FTO: variants seen among roughly 807,000 people sequenced by gnomAD.
FTO encodes the protein FTO alpha-ketoglutarate dependent dioxygenase.
A neutral mutation model predicts 63.9 loss-of-function variants in FTO; 47 were observed. That is an observed-to-expected ratio of 0.74 (90% CI 0.58 to 0.94). FTO has a LOEUF of 0.94. Among genes scored for constraint, FTO ranks in the 40% least tolerant of loss-of-function variants. The pLI is 0.00. For missense variants in FTO, 562 were observed against 618.1 expected (o/e 0.91, Z 0.96); for synonymous variants, 207 against 224.4 (o/e 0.92, Z 0.69).
rs148886643 is a variant in FTO, at chr16:53,869,321, A to G, written c.896-4465A>G. ...CTGTTTTTTCCTTCTGGCTTTTTCAATATTCTTTATCTTTGACTTTCTGCA... is the reference window on the plus strand; with the variant it reads ...CTGTTTTTTCCTTCTGGCTTTTTCAGTATTCTTTATCTTTGACTTTCTGCA... On this transcript the variant is annotated intron_variant, in intron 4 of 8. Transcript: ENST00000471389. Among the ~76,000 whole-genome samples, 275 of 151,982 alleles carry G rather than the reference A, an allele frequency of 1.8e-3. 2 individuals carry two copies. Among genetic ancestry groups the G allele is most frequent in the African/African-American group, 6.2e-3 (259 of 41,458 alleles).
chr16:54,036,089 T>C (rs2084934729), intron 8 of FTO, among the ~76,000 whole-genome samples: 1 of 152,152 alleles, frequency 6.6e-6, no homozygotes, highest in African/African-American at 2.4e-5. Context: ...ATATCTCTGG[T>C]ATATCGTTAA....
At chr16:53,707,644 G>A (rs1417533522) in intron 1 of FTO, among the ~76,000 whole-genome samples, 2 of 152,138 alleles carry the variant, frequency 1.3e-5, no homozygotes, top group Non-Finnish European at 2.9e-5. Context: ...TAGTAGGTGT[G>A]CAGTGATATT....
intron 4 of FTO, among the ~76,000 whole-genome samples, chr16:53,860,181 G>A (rs2080130317): frequency 6.6e-6 from 1 of 152,214 alleles, no homozygotes; most frequent in South Asian, 2.1e-4. Flanking sequence ...ATGTGTGACA[G>A]TGTGGAATAT....
intron 8 of FTO, among the ~76,000 whole-genome samples, chr16:53,996,964 T>G (rs1306417906): frequency 6.6e-6 from 1 of 151,776 alleles, no homozygotes; most frequent in Non-Finnish European, 1.5e-5. Context: ...CAAAAAAAAT[T>G]TAGCCTGGCG....
intron 8 of FTO, among the ~76,000 whole-genome samples, chr16:53,939,932 A>G (rs1487059397): frequency 1.3e-5 from 2 of 152,200 alleles, no homozygotes; most frequent in East Asian, 1.9e-4. Context: ...CTTTCTGGCT[A>G]TCATGAATAA....
chr16:53,707,587 T>C (rs2075659211), intron 1 of FTO, among the ~76,000 whole-genome samples: 1 of 152,184 alleles, frequency 6.6e-6, no homozygotes, highest in South Asian at 2.1e-4. Flanking sequence ...GTTCTACTTG[T>C]TTCATATCTT....
At chr16:54,021,140 C>T (rs1354183919) in intron 8 of FTO, among the ~76,000 whole-genome samples, 1 of 152,084 alleles carries the variant, frequency 6.6e-6, no homozygotes, top group East Asian at 1.9e-4. Context: ...TGTCTTTCTT[C>T]CCCTCAATTT....
intron 4 of FTO, among the ~76,000 whole-genome samples, chr16:53,863,893 T>G (rs1728341418): frequency 2.0e-5 from 3 of 152,200 alleles, no homozygotes; most frequent in African/African-American, 7.2e-5. Flanking sequence ...ATTCCACCTA[T>G]ACTATATTCA....
intron 7 of FTO, chr16:53,922,955 T>C (rs2082042321): frequency 6.6e-6 from 1 of 152,230 alleles, no homozygotes; most frequent in Non-Finnish European, 1.5e-5. Flanking sequence ...TCCTGGACTC[T>C]CTTGGTAAGA....
rs146032540 is a variant in FTO at position 53,864,495 on chromosome 16, T to A, written c.896-9291T>A. On this transcript the variant is annotated intron_variant, in intron 4 of 8. Transcript: ENST00000471389. ...ATAAATTATAGCATTGCTTCTGTGG[T>A]CTTTTATATATGAAATGAGATTTCA... Among the ~76,000 whole-genome samples the A allele has an allele frequency of 8.1e-4, 123 of 152,290 alleles. 1 individual carries two copies. The highest frequency in any genetic ancestry group is 5.1e-4 in the Non-Finnish European group (35 of 68,010).
At chr16:54,010,680 T>C (rs1391885104) in intron 8 of FTO, among the ~76,000 whole-genome samples, 2 of 152,086 alleles carry the variant, frequency 1.3e-5, no homozygotes, top group Non-Finnish European at 2.9e-5. Flanking sequence ...ACAATGAGAG[T>C]CACAGGATTT....
intron 1 of FTO, among the ~76,000 whole-genome samples, chr16:53,716,228 G>T (rs766466937): frequency 6.6e-6 from 1 of 152,044 alleles, no homozygotes; most frequent in Non-Finnish European, 1.5e-5. Flanking sequence ...CACCCTAGGG[G>T]GATAGTCAAA....
At chr16:53,987,943 A>G (rs2083710768) in intron 8 of FTO, among the ~76,000 whole-genome samples, 1 of 152,226 alleles carries the variant, frequency 6.6e-6, no homozygotes, top group African/African-American at 2.4e-5. Flanking sequence ...AAAACAGCAT[A>G]AGCAGTAAGC....
chr16:53,871,476 T>C (rs1236155160), intron 4 of FTO, among the ~76,000 whole-genome samples: 1 of 152,214 alleles, frequency 6.6e-6, no homozygotes, highest in African/African-American at 2.4e-5. Context: ...AGATACTGCA[T>C]GTTTAACCTT....
At chr16:54,065,713 AC>A (rs2085711677) in intron 8 of FTO, among the ~76,000 whole-genome samples, 1 of 152,120 alleles carries the variant, frequency 6.6e-6, no homozygotes, top group Admixed American at 6.5e-5. Flanking sequence ...CGCAGAGAAA[AC>A]CGGGCCACCT....
chr16:54,035,190 T>C (rs1279276179), intron 8 of FTO, among the ~76,000 whole-genome samples: 3 of 152,256 alleles, frequency 2.0e-5, no homozygotes, highest in Non-Finnish European at 4.4e-5. Flanking sequence ...AAATCTACTT[T>C]TAGTTAAATC....
intron 8 of FTO, among the ~76,000 whole-genome samples, chr16:53,967,113 T>A (rs2083213709): frequency 6.6e-6 from 1 of 152,176 alleles, no homozygotes; most frequent in African/African-American, 2.4e-5. Context: ...CTAAGGATTC[T>A]GGGAAAAGGT....
intron 1 of FTO, among the ~76,000 whole-genome samples, chr16:53,800,107 C>A (rs1360988601): frequency 6.6e-6 from 1 of 151,658 alleles, no homozygotes; most frequent in Non-Finnish European, 1.5e-5. Context: ...TGATTTGTGA[C>A]CATTTTTCTT....
Position 53,726,446 on chromosome 16 carries a change from A to AT in FTO, c.45+22224dup, listed in dbSNP as rs1483045012. Among the ~76,000 whole-genome samples, 4 of 152,136 alleles carry AT rather than the reference A, an allele frequency of 2.6e-5. No individual in the cohort carries two copies. In the East Asian group the frequency reaches 7.7e-4, roughly 29 times the overall value. ...ATAAATTAACTTTGCATTTTCTTTCATTTTTTTAGGATCTGAGAATGTGTA... is the reference window on the plus strand; with the variant it reads ...ATAAATTAACTTTGCATTTTCTTTCATTTTTTTTAGGATCTGAGAATGTGTA... On this transcript the variant is annotated intron_variant, in intron 1 of 8. Coordinates refer to ENST00000471389, the MANE Select transcript of FTO (RefSeq NM_001080432.3).
Sources: allele counts gnomAD v4.1 joint callset (sites outside exome capture counted in the v4.1 genomes callset), GRCh38; gene constraint gnomAD v4.1.1; transcripts MANE v1.5; gene names NCBI Gene and HGNC (gene_info 2026-07-23, HGNC 2026-07-21).